The following GLOD4 variants were observed in gnomAD, a reference collection of about 807,000 sequenced individuals.
GLOD4 encodes glyoxalase domain containing 4, also known as glyoxalase domain-containing protein 4.
A neutral mutation model predicts 39.1 loss-of-function variants in GLOD4; 44 were observed. The ratio of observed to expected loss-of-function variants is 1.13; its 90% CI spans 0.88 to 1.45. GLOD4 has a LOEUF of 1.45. GLOD4 is among the 40% of genes most tolerant of loss of function. The probability of loss-of-function intolerance (pLI) is 0.00; values close to 1 mark genes in which losing one functional copy is unlikely to be tolerated. For missense variants in GLOD4, 405 were observed against 366.4 expected (o/e 1.11, Z -0.86); for synonymous variants, 145 against 135.0 (o/e 1.07, Z -0.52).
At position 775,767 on chromosome 17, in the gene GLOD4, A is replaced by G. The variant is rs1252269642; in HGVS notation, c.406+8T>C. The G allele has an allele frequency of 6.2e-7, 1 of 1,612,454 alleles. No individual in the cohort carries two copies. Among genetic ancestry groups the G allele is most frequent in the East Asian group, 2.2e-5 (1 of 44,858 alleles). Reference sequence around the variant, plus strand: ...GACAGAGGCTTTTACTGGTTCTGGTATAATTACCTGACTGAGGCAGACTGC... The same window carrying G: ...GACAGAGGCTTTTACTGGTTCTGGTGTAATTACCTGACTGAGGCAGACTGC... On this transcript the variant is annotated splice_region_variant and intron_variant, in intron 4 of 8. Transcript: ENST00000301329.
chr17:760,317 C>T (rs939672643), intron 8 of GLOD4, 79 bp from the exon 9 acceptor site: 4 of 744,140 alleles, frequency 5.4e-6, no homozygotes, highest in Non-Finnish European at 9.6e-6. Context: ...TCTCACTGTA[C>T]TGACCACAAT....
At chr17:783,228 G>A, upstream of GLOD4, 1 of 1,614,134 alleles carries the variant, frequency 6.2e-7, no homozygotes, top group Non-Finnish European at 8.5e-7. Context: ...ATACCTAAAG[G>A]AGTTGCCAGT....
upstream of GLOD4, among the ~76,000 whole-genome samples, chr17:783,750 A>G (rs1910376914): frequency 6.6e-6 from 1 of 152,190 alleles, no homozygotes; most frequent in Non-Finnish European, 1.5e-5. Flanking sequence ...TATAATTCTC[A>G]AACCTGTGTA....
intron 8 of GLOD4, among the ~76,000 whole-genome samples, chr17:769,534 G>C (rs1334915268): frequency 4.0e-5 from 6 of 149,934 alleles, no homozygotes; most frequent in African/African-American, 1.5e-4. Flanking sequence ...ATCTCCATGG[G>C]GAGAGCTGAG....
At chr17:763,107 CG>C (rs1905809278) in intron 8 of GLOD4, among the ~76,000 whole-genome samples, 1 of 150,194 alleles carries the variant, frequency 6.7e-6, no homozygotes, top group Non-Finnish European at 1.5e-5. Context: ...GGTGTGAACC[CG>C]GGAGGCGGAG....
At chr17:774,539 C>T (rs925073568) in intron 4 of GLOD4, among the ~76,000 whole-genome samples, 64 of 152,332 alleles carry the variant, frequency 4.2e-4, no homozygotes, top group African/African-American at 1.5e-3. Flanking sequence ...TGCAAAGTTT[C>T]CTTCTTGTTC....
chr17:766,648 C>A (rs984259853), intron 8 of GLOD4, among the ~76,000 whole-genome samples: 5 of 152,026 alleles, frequency 3.3e-5, no homozygotes, highest in African/African-American at 1.2e-4. Context: ...ACCTGTAATC[C>A]CAGCACTTTA....
chr17:782,959 A>G, upstream of GLOD4: 1 of 1,376,560 alleles, frequency 7.3e-7, no homozygotes, highest in East Asian at 2.4e-5. Flanking sequence ...ATGTGCTGGG[A>G]TTACAGGCGT....
upstream of GLOD4, among the ~76,000 whole-genome samples, chr17:784,615 C>G (rs1910446369): frequency 6.6e-6 from 1 of 152,162 alleles, no homozygotes; most frequent in African/African-American, 2.4e-5. Flanking sequence ...ATCATCATAC[C>G]TGCTTTCATC....
At chr17:772,852 G>A (rs1233543414) in intron 4 of GLOD4, among the ~76,000 whole-genome samples, 1 of 152,020 alleles carries the variant, frequency 6.6e-6, no homozygotes. Flanking sequence ...AAAATTAGCC[G>A]GGCGTGCTGG....
At chr17:776,782 T>TCA in intron 3 of GLOD4, 86 bp downstream of exon 3, 1 of 990,748 alleles carries the variant, frequency 1.0e-6, no homozygotes, top group Non-Finnish European at 1.6e-6. Flanking sequence ...ATCTCTTCAC[T>TCA]CACACACACC....
At position 770,133 on chromosome 17, in the gene GLOD4, T is replaced by C; in HGVS notation, c.655A>G (p.Lys219Glu). ...KELPDLEDLMKRENQKILTPL... is the reference protein window; with the variant it reads ...KELPDLEDLMERENQKILTPL... ...GTCAGAATCTTCTGGTTCTCCCTTT[T>C]CATCAAGTCTTCTAAGTCTGGCAAC... is the stretch of plus-strand genomic sequence containing the variant. Residue 219 changes from lysine to glutamate, a missense_variant, in exon 7 of 9, where the codon AAA becomes GAA. Transcript: ENST00000301329. 1 of 1,610,892 alleles carries C rather than the reference T, an allele frequency of 6.2e-7. No individual in the cohort carries two copies. The highest frequency in any genetic ancestry group is 8.5e-7 in the Non-Finnish European group (1 of 1,177,300).
chr17:782,826 T>A, upstream of GLOD4: 1 of 1,003,094 alleles, frequency 1.0e-6, no homozygotes, highest in South Asian at 1.7e-5. Flanking sequence ...GAGGGCCGAA[T>A]AAGCGTCTTT....
At chr17:761,404 G>C (rs577978044) in intron 8 of GLOD4, among the ~76,000 whole-genome samples, 2 of 152,204 alleles carry the variant, frequency 1.3e-5, no homozygotes, top group African/African-American at 4.8e-5. Context: ...TCAAAGATAT[G>C]CTTAAAAAAA....
upstream of GLOD4, chr17:783,311 G>C (rs145139429): frequency 2.1e-5 from 34 of 1,611,798 alleles, no homozygotes; most frequent in African/African-American, 4.1e-4. Flanking sequence ...ACCTCGTAAC[G>C]CCACAAGGAA....
intron 8 of GLOD4, chr17:764,632 T>C (rs181366393): frequency 1.3e-5 from 2 of 152,166 alleles, no homozygotes; most frequent in Admixed American, 1.3e-4. Flanking sequence ...ATGAGCAAAT[T>C]GTTATATTCA....
upstream of GLOD4, chr17:782,388 C>G (rs753792365): frequency 9.3e-6 from 15 of 1,613,674 alleles, no homozygotes; most frequent in South Asian, 1.1e-4. Context: ...CATGGCGGCG[C>G]TGGTGAGACC....
chr17:769,421 G>C (rs1281339344), intron 8 of GLOD4, among the ~76,000 whole-genome samples: 7 of 150,808 alleles, frequency 4.6e-5, no homozygotes, highest in Non-Finnish European at 1.0e-4. Flanking sequence ...GCATCTCCCT[G>C]GCGAGAGCTG....
At position 782,216 on chromosome 17, in the gene GLOD4, C is replaced by T. The variant is rs200877796; in HGVS notation, c.40G>A (p.Gly14Arg). The change falls in exon 1 of 9, where the codon GGA (glycine) becomes AGA (arginine). Residue 14 changes from glycine to arginine, a missense_variant. By Grantham distance (125) the Gly-to-Arg change is moderately radical. Transcript: ENST00000301329. Reference sequence around the variant, plus strand: ...AAACGCGCCGTCTGGAAGCGGTTTCCCACTTTGAATACGAAGTGCAGAGCT... The same window carrying T: ...AAACGCGCCGTCTGGAAGCGGTTTCTCACTTTGAATACGAAGTGCAGAGCT... ...RRALHFVFKV[G>R]NRFQTARFYR... 55 of 1,613,514 alleles carry T rather than the reference C, an allele frequency of 3.4e-5. No homozygotes were observed. The highest frequency in any genetic ancestry group is 6.8e-6 in the Non-Finnish European group (8 of 1,179,710).
Sources: gnomAD v4.1 joint callset for allele counts (sites outside exome capture counted in the v4.1 genomes callset) on GRCh38, gnomAD v4.1.1 for gene constraint, MANE v1.5 for transcripts, NCBI Gene and HGNC (gene_info 2026-07-23, HGNC 2026-07-21) for gene names.